Variants in ZNF3 observed in about 807,000 individuals in gnomAD.
ZNF3 encodes the protein C2-H2 type zinc finger protein.
ZNF3 carries 16 observed loss-of-function variants against 36.9 expected under a neutral mutation model. The ratio of observed to expected loss-of-function variants is 0.43; its 90% confidence interval spans 0.29 to 0.66. The LOEUF (loss-of-function observed/expected upper bound fraction) is 0.66, where lower values mean the gene tolerates loss of function less well. ZNF3 is among the 30% of genes least tolerant of loss of function. The probability of loss-of-function intolerance (pLI) is 0.13; values close to 1 mark genes in which losing one functional copy is unlikely to be tolerated. For missense variants in ZNF3, 462 were observed against 543.1 expected (o/e 0.85, Z 1.48); for synonymous variants, 201 against 201.9 (o/e 1.00, Z 0.04).
At chr7:100,064,394 A>C in exon 6 of ZNF3, 4 of 1,608,262 alleles carry the variant, frequency 2.5e-6, no homozygotes, top group Non-Finnish European at 3.4e-6. Flanking sequence ...TTCAGTCAGC[A>C]TGCGGGCCTC....
At chr7:100,078,696 AAAC>A (rs1187809451) in intron 2 of ZNF3, 2 of 152,106 alleles carry the variant, frequency 1.3e-5, no homozygotes, top group African/African-American at 4.8e-5. Context: ...AAACAAAACA[AAAC>A]AAAACAAAAC....
chr7:100,064,441 T>C, exon 6 of ZNF3: 1 of 1,613,996 alleles, frequency 6.2e-7, no homozygotes, highest in South Asian at 1.1e-5. Flanking sequence ...AGAGAAGCCA[T>C]ATAAGTGTAA....
In ZNF3 at chr7:100,071,107, C is replaced by T; in HGVS notation, c.*36G>A. On this transcript the variant is annotated 3_prime_UTR_variant, in exon 6 of 6. Coordinates refer to ENST00000299667, the MANE Select transcript of ZNF3 (RefSeq NM_032924.5). ...TAGGGTAAGGCAAGAGCTCTTGAGA[C>T]TCAGGGAAAGTGAGGAAAATGGGTG... The T allele has an allele frequency of 6.5e-7, 1 of 1,543,676 alleles. No homozygotes were observed.
downstream of ZNF3, among the ~76,000 whole-genome samples, chr7:100,067,136 G>C (rs1792691193): frequency 6.6e-6 from 1 of 152,198 alleles, no homozygotes; most frequent in Non-Finnish European, 1.5e-5. Flanking sequence ...CCTGGCCTCT[G>C]TTGACCAGTC....
At position 100,064,442 on chromosome 7, in the gene ZNF3, A is replaced by G. The variant is rs201972786; in HGVS notation, c.*346T>C. The G allele has an allele frequency of 2.9e-5, 46 of 1,614,010 alleles. No homozygotes were observed. The highest frequency in any genetic ancestry group is 1.2e-4 in the Admixed American group (7 of 59,994). ...AGACTCCACACCGGAGAGAAGCCATATAAGTGTAAGGAGTGTGGGAAAGCC... is the reference window on the plus strand; with the variant it reads ...AGACTCCACACCGGAGAGAAGCCATGTAAGTGTAAGGAGTGTGGGAAAGCC... On this transcript the variant is annotated 3_prime_UTR_variant, in exon 6 of 6. Coordinates refer to the ZNF3 transcript ENST00000413658.
chr7:100,073,649 C>T (rs954148041), intron 5 of ZNF3, among the ~76,000 whole-genome samples: 3 of 151,794 alleles, frequency 2.0e-5, no homozygotes, highest in African/African-American at 7.3e-5. Flanking sequence ...CGCGCCTGGC[C>T]TAATTTCTTA....
downstream of ZNF3, among the ~76,000 whole-genome samples, chr7:100,065,821 G>C (rs1792622851): frequency 6.7e-6 from 1 of 150,022 alleles, no homozygotes; most frequent in Non-Finnish European, 1.5e-5. Context: ...GGGTGAGTCT[G>C]TTCCCACTGG....
intron 2 of ZNF3, among the ~76,000 whole-genome samples, chr7:100,078,460 C>T (rs1794468799): frequency 6.8e-6 from 1 of 147,638 alleles, no homozygotes; most frequent in Admixed American, 6.8e-5. Flanking sequence ...CACGCCACTG[C>T]ACTCCAGTCT....
downstream of ZNF3, among the ~76,000 whole-genome samples, chr7:100,065,798 G>A (rs936310036): frequency 4.0e-5 from 6 of 150,454 alleles, no homozygotes; most frequent in Admixed American, 4.0e-4. Context: ...ATCTTCTCAG[G>A]GACATGGCCA....
intron 2 of ZNF3, chr7:100,079,004 G>A (rs1195054340): frequency 6.6e-6 from 1 of 152,226 alleles, no homozygotes; most frequent in Non-Finnish European, 1.5e-5. Flanking sequence ...TGGTCTTCGG[G>A]TAGCAGGGGA....
chr7:100,067,290 C>T (rs970344557), downstream of ZNF3, among the ~76,000 whole-genome samples: 2 of 152,244 alleles, frequency 1.3e-5, no homozygotes, highest in East Asian at 1.9e-4. Flanking sequence ...TTGGGCCTTC[C>T]GAGATAACAT....
At chr7:100,069,035 G>A (rs777424126), downstream of ZNF3, among the ~76,000 whole-genome samples, 2 of 151,492 alleles carry the variant, frequency 1.3e-5, no homozygotes, top group Non-Finnish European at 2.9e-5. Context: ...TCACCATGTT[G>A]GTCAGGCTGG....
chr7:100,081,221 C>A lies in ZNF3; in HGVS notation c.-198+414G>T, dbSNP rs958366569. Among the ~76,000 whole-genome samples the A allele has an allele frequency of 1.3e-5, 2 of 152,224 alleles. No individual in the cohort carries two copies. Among genetic ancestry groups the A allele is most frequent in the African/African-American group, 4.8e-5 (2 of 41,450 alleles). ...GAATTTCTCTGATCCTTGGACCCAG[C>A]TGCGTAAAAATAAACTTCCTCTCCT... On this transcript the variant is annotated intron_variant, in intron 1 of 5. Transcript: ENST00000299667. This position sits in a 1 kb window ranked among gnomAD's most constrained non-coding sequence, Gnocchi z 4.3.
chr7:100,066,194 AC>A (rs575971052), downstream of ZNF3, among the ~76,000 whole-genome samples: 204 of 152,168 alleles, frequency 1.3e-3, no homozygotes, highest in Middle Eastern at 3.4e-3. Flanking sequence ...TTTTGTTTAT[AC>A]AAATCAAAGC....
At chr7:100,064,193 A>G (rs1448604857) in exon 6 of ZNF3, 3 of 1,614,006 alleles carry the variant, frequency 1.9e-6, no homozygotes, top group African/African-American at 1.3e-5. Flanking sequence ...GACCGGCCCT[A>G]TGACTGTAAG....
intron 2 of ZNF3, chr7:100,078,669 C>T (rs1258277680): frequency 6.6e-6 from 1 of 152,152 alleles, no homozygotes; most frequent in Non-Finnish European, 1.5e-5. Context: ...GCCTGGGCAA[C>T]AGTGAGACTC....
chr7:100,078,184 T>TAC lies in ZNF3; in HGVS notation c.-76-753_-76-752dup, dbSNP rs1352350233. Reference sequence around the variant, plus strand: ...ATAACAAAATGCAGGAGCGGGTATATACATTCACTGGCATAAAAAGACTAC... The same window carrying TAC: ...ATAACAAAATGCAGGAGCGGGTATATACACATTCACTGGCATAAAAAGACTAC... On this transcript the variant is annotated intron_variant, in intron 2 of 5. Transcript: ENST00000299667. Among the ~76,000 whole-genome samples, 9 of 152,168 alleles carry TAC rather than the reference T, an allele frequency of 5.9e-5. No homozygotes were observed. The East Asian group carries it at 7.8e-4, about 13-fold the overall frequency.
chr7:100,072,240 C>T lies in ZNF3; in HGVS notation c.272-28G>A, dbSNP rs747274945. The T allele has an allele frequency of 1.0e-5, 16 of 1,528,034 alleles. No individual in the cohort carries two copies. In the Admixed American group the frequency reaches 1.9e-4, roughly 18 times the overall value. 94.7% of individuals were successfully genotyped at this position (1,528,034 alleles called of 1,614,324 possible). A position where few individuals can be genotyped will look rare whatever the true frequency, so the allele number is the denominator to read the frequency against. ...GACACAATAAAAAATGCAAATGTCA[C>T]TTGTTCCTTAGGGAAGAAAGAGTGA... On this transcript the variant is annotated intron_variant, in intron 5 of 5. Transcript: ENST00000299667.
At chr7:100,066,453 C>T (rs1474582397), downstream of ZNF3, among the ~76,000 whole-genome samples, 3 of 151,728 alleles carry the variant, frequency 2.0e-5, no homozygotes, top group Non-Finnish European at 2.9e-5. Context: ...AAAATAAGGC[C>T]GAGCGTGGTG....
Sources: gnomAD v4.1 joint callset for allele counts (sites outside exome capture counted in the v4.1 genomes callset) on GRCh38, gnomAD v4.1.1 for gene constraint, Gnocchi (gnomAD v3.1) non-coding constraint, MANE v1.5 for transcripts, NCBI Gene and HGNC (gene_info 2026-07-23, HGNC 2026-07-21) for gene names.